Variants in GRIK2 observed in about 807,000 individuals in gnomAD.
GRIK2 encodes the protein glutamate ionotropic receptor kainate type subunit 2.
A neutral mutation model predicts 100.3 loss-of-function variants in GRIK2; 32 were observed. That is an observed-to-expected ratio of 0.32 (90% CI 0.24 to 0.43). GRIK2 has a LOEUF of 0.43. Among genes scored for constraint, GRIK2 ranks in the 20% least tolerant of loss-of-function variants. The probability of loss-of-function intolerance (pLI) is 1.00; values close to 1 mark genes in which losing one functional copy is unlikely to be tolerated. For missense variants in GRIK2, 843 were observed against 1,114.9 expected, an observed-to-expected ratio of 0.76 and a Z score of 3.47; for synonymous variants, 417 against 389.4, an observed-to-expected ratio of 1.07 and a Z score of -0.83.
intron 2 of GRIK2, among the ~76,000 whole-genome samples, chr6:101,534,092 T>A (rs187751476): frequency 6.6e-6 from 1 of 151,802 alleles, no homozygotes; most frequent in African/African-American, 2.4e-5. Flanking sequence ...ACTAAAGTTA[T>A]GGATTAAGTT....
intron 7 of GRIK2, among the ~76,000 whole-genome samples, chr6:101,786,155 G>T (rs1413276222): frequency 6.6e-6 from 1 of 151,900 alleles, no homozygotes; most frequent in Non-Finnish European, 1.5e-5. Flanking sequence ...TTTGTTTGTT[G>T]ATTTTGTGTT....
intron 2 of GRIK2, among the ~76,000 whole-genome samples, chr6:101,569,813 G>A (rs1407610575): frequency 2.0e-5 from 3 of 152,010 alleles, no homozygotes; most frequent in Non-Finnish European, 4.4e-5. Context: ...TAAATTCCTA[G>A]ATAACTAAAG....
chr6:101,669,977 C>G (rs1053837548), intron 4 of GRIK2, among the ~76,000 whole-genome samples: 10 of 152,036 alleles, frequency 6.6e-5, no homozygotes, highest in African/African-American at 2.4e-4. Flanking sequence ...AGATTCTAAG[C>G]AACTCCTGGT....
intron 2 of GRIK2, among the ~76,000 whole-genome samples, chr6:101,444,252 CT>C (rs1770243475): frequency 6.6e-6 from 1 of 151,882 alleles, no homozygotes; most frequent in Admixed American, 6.6e-5. Flanking sequence ...AAATTATTTT[CT>C]TTTTTTCTCA....
At chr6:101,722,975 T>A (rs1774594414) in intron 7 of GRIK2, among the ~76,000 whole-genome samples, 1 of 152,054 alleles carries the variant, frequency 6.6e-6, no homozygotes, top group African/African-American at 2.4e-5. Flanking sequence ...CTGCCCATTT[T>A]AAAAACATCA....
chr6:101,693,394 A>G lies in GRIK2; in HGVS notation c.951+7041A>G, dbSNP rs143528314. 2.6e-5 allele frequency among the ~76,000 whole-genome samples: 4 copies of G among 151,950 alleles called. No homozygotes were observed. In the East Asian group the frequency reaches 5.8e-4, roughly 22 times the overall value. On this transcript the variant is annotated intron_variant, in intron 7 of 16. Coordinates refer to ENST00000369134, the MANE Select transcript of GRIK2 (RefSeq NM_021956.5). Reference sequence around the variant, plus strand: ...AAGGATAAATACATTTCTGCACACAATTTTCTTCAGTCTCTTATTTTATAT... The same window carrying G: ...AAGGATAAATACATTTCTGCACACAGTTTTCTTCAGTCTCTTATTTTATAT...
chr6:102,041,439 A>T (rs912328359), intron 15 of GRIK2, among the ~76,000 whole-genome samples: 15 of 151,574 alleles, frequency 9.9e-5, no homozygotes, highest in Admixed American at 9.2e-4. Context: ...ATCAATGAGG[A>T]GTCACTCTTA....
At chr6:101,804,415 T>C (rs971399429) in intron 9 of GRIK2, among the ~76,000 whole-genome samples, 3 of 151,940 alleles carry the variant, frequency 2.0e-5, no homozygotes, top group Non-Finnish European at 4.4e-5. Flanking sequence ...CTTGGGAAGA[T>C]AATATAGTTT....
At chr6:101,574,365 T>C (rs1455560886) in intron 2 of GRIK2, among the ~76,000 whole-genome samples, 3 of 147,796 alleles carry the variant, frequency 2.0e-5, no homozygotes, top group East Asian at 2.0e-4. Context: ...TATATACTTA[T>C]ATATAAATAT....
At chr6:101,510,388 C>T (rs1774238060) in intron 2 of GRIK2, among the ~76,000 whole-genome samples, 1 of 152,018 alleles carries the variant, frequency 6.6e-6, no homozygotes, top group Non-Finnish European at 1.5e-5. Context: ...ACTTCCAATC[C>T]CATCATCTTA....
rs555447134 is a variant in GRIK2 at position 101,554,799 on chromosome 6, A to G, written c.116-67150A>G. Among the ~76,000 whole-genome samples, 25 of 152,246 alleles carry G rather than the reference A, an allele frequency of 1.6e-4. No homozygotes were observed. The South Asian group carries it at 4.8e-3, about 29-fold the overall frequency. ...TCTTGAAGCAGGCTTGCTGAAAAAA[A>G]TTGTACCTGCGCATAAGAAGGATGC... On this transcript the variant is annotated intron_variant, in intron 2 of 16. Transcript: ENST00000369134.
In GRIK2 at chr6:101,774,984, A is replaced by G. The variant is rs147290047; in HGVS notation, c.952-24664A>G. Among the ~76,000 whole-genome samples the G allele has an allele frequency of 4.0e-4, 61 of 152,278 alleles. 1 individual carries two copies. In the East Asian group the frequency reaches 0.011, roughly 28 times the overall value. ...ATAACTTTAAAACTTCATGTATTGA[A>G]CATCATTCCTTATGAAGCTTTAAAA... On this transcript the variant is annotated intron_variant, in intron 7 of 16. Transcript: ENST00000369134.
chr6:101,887,421 C>A (rs1410332244), intron 11 of GRIK2, among the ~76,000 whole-genome samples: 2 of 152,046 alleles, frequency 1.3e-5, no homozygotes, highest in African/African-American at 2.4e-5. Flanking sequence ...AAGGAGGTTA[C>A]AGAATGAAGT....
chr6:101,707,594 G>GTATATATATATATATATATA (rs1193552049), intron 7 of GRIK2, among the ~76,000 whole-genome samples: 3 of 106,124 alleles, frequency 2.8e-5, no homozygotes, highest in East Asian at 3.1e-4. Flanking sequence ...GTGTGTGTGT[G>GTATATATATATATATATATA]TATATATGTG....
At chr6:101,456,788 G>C (rs1771033982) in intron 2 of GRIK2, among the ~76,000 whole-genome samples, 1 of 151,786 alleles carries the variant, frequency 6.6e-6, no homozygotes, top group South Asian at 2.1e-4. Context: ...ATTTGTAGCT[G>C]TGTGCATTTT....
intron 2 of GRIK2, among the ~76,000 whole-genome samples, chr6:101,418,486 A>C (rs1046994886): frequency 6.6e-6 from 1 of 152,144 alleles, no homozygotes; most frequent in African/African-American, 2.4e-5. Context: ...ATACTGCTCT[A>C]CAGACGTCAA....
chr6:101,836,752 G>T (rs1440949389), intron 10 of GRIK2, among the ~76,000 whole-genome samples: 1 of 137,354 alleles, frequency 7.3e-6, no homozygotes, highest in Admixed American at 8.4e-5. Context: ...TGCAACCTCT[G>T]CCTCCAGGGT....
intron 9 of GRIK2, among the ~76,000 whole-genome samples, chr6:101,815,224 G>T (rs1178477752): frequency 6.6e-6 from 1 of 152,126 alleles, no homozygotes; most frequent in Non-Finnish European, 1.5e-5. Context: ...AACCATGATT[G>T]ACTCTGGGTG....
chr6:101,727,558 T>G (rs945885592), intron 7 of GRIK2, among the ~76,000 whole-genome samples: 3 of 152,172 alleles, frequency 2.0e-5, no homozygotes, highest in Non-Finnish European at 4.4e-5. Flanking sequence ...GGCATATCAC[T>G]TGTTGTACAT....
Sources: gnomAD v4.1 joint callset for allele counts (sites outside exome capture counted in the v4.1 genomes callset) on GRCh38, gnomAD v4.1.1 for gene constraint, MANE v1.5 for transcripts, NCBI Gene and HGNC (gene_info 2026-07-23, HGNC 2026-07-21) for gene names.